The following CCBE1 variants were observed in gnomAD, a reference collection of about 807,000 sequenced individuals.
The protein encoded by CCBE1 is collagen and calcium binding EGF domains 1, also known as collagen and calcium-binding EGF domain-containing protein 1.
Under a neutral mutation model 50.0 loss-of-function variants are expected in CCBE1, and 37 were observed. The observed-to-expected ratio is 0.74, with a 90% confidence interval of 0.57 to 0.97. CCBE1 has a LOEUF of 0.97. CCBE1 is among the 50% of genes least tolerant of loss of function. CCBE1 has a pLI of 0.00. For missense variants in CCBE1, 538 were observed against 523.8 expected (o/e 1.03, Z -0.26); for synonymous variants, 234 against 203.7 (o/e 1.15, Z -1.27).
In CCBE1 at chr18:59,652,481, CT is replaced by C. The variant is rs35752064; in HGVS notation, c.212+44147del. Among the ~76,000 whole-genome samples the C allele has an allele frequency of 5.3e-5, 8 of 150,000 alleles. No individual in the cohort carries two copies. In the East Asian group the frequency reaches 7.8e-4, roughly 15 times the overall value. On this transcript the variant is annotated intron_variant, in intron 2 of 10. Transcript: ENST00000439986. ...AAGGTAACACAAACTGACTCCCCCC[CT>C]TTTTTTTTAATGTAAACTCCATAGC...
At chr18:59,692,955 AGCACACACACACACACACACACACAC>A (rs1376568037) in intron 2 of CCBE1, among the ~76,000 whole-genome samples, 16 of 143,182 alleles carry the variant, frequency 1.1e-4, no homozygotes, top group South Asian at 2.3e-4. Context: ...GTCAAGCCAA[AGCACACACACACACACACACACACAC>A]ACACACACAC....
In CCBE1 at chr18:59,551,369, C is replaced by T. The variant is rs573393111; in HGVS notation, c.213-71131G>A. Among the ~76,000 whole-genome samples the T allele has an allele frequency of 1.0e-3, 156 of 152,294 alleles. 4 individuals are homozygous for T. In the South Asian group the frequency reaches 0.025, roughly 24 times the overall value. Reference sequence around the variant, plus strand: ...TAACCATAAGTACAGCCTGCAGAACCGGAAGAATCTCTGGATGGGTGAGTG... The same window carrying T: ...TAACCATAAGTACAGCCTGCAGAACTGGAAGAATCTCTGGATGGGTGAGTG... On this transcript the variant is annotated intron_variant, in intron 2 of 10. Coordinates refer to ENST00000439986, the MANE Select transcript of CCBE1 (RefSeq NM_133459.4).
At chr18:59,679,543 A>T (rs1293599585) in intron 2 of CCBE1, among the ~76,000 whole-genome samples, 6 of 152,226 alleles carry the variant, frequency 3.9e-5, no homozygotes, top group Non-Finnish European at 7.3e-5. Context: ...TCGTATGAGC[A>T]TATGACTCTC....
intron 2 of CCBE1, among the ~76,000 whole-genome samples, chr18:59,677,641 G>A (rs917615432): frequency 1.3e-5 from 2 of 152,044 alleles, no homozygotes; most frequent in African/African-American, 2.4e-5. Context: ...AGGATACTCA[G>A]GAGGCAGGAG....
At chr18:59,682,724 C>CA (rs1329012028) in intron 2 of CCBE1, among the ~76,000 whole-genome samples, 2 of 152,236 alleles carry the variant, frequency 1.3e-5, no homozygotes, top group East Asian at 3.8e-4. Flanking sequence ...GATATCTTAG[C>CA]ATATGCATAG....
rs1256184625 is a variant in CCBE1, at chr18:59,679,192, A to G, written c.212+17437T>C. The stretch of plus-strand genomic sequence containing the variant: ...AAACAGCGTCACAACTCACCATTCT[A>G]GTGGACAGGACAGTATTTCTATTCT... On this transcript the variant is annotated intron_variant, in intron 2 of 10. Coordinates refer to ENST00000439986, the MANE Select transcript of CCBE1 (RefSeq NM_133459.4). Among the ~76,000 whole-genome samples the G allele has an allele frequency of 3.3e-5, 5 of 152,330 alleles. No homozygotes were observed. In the East Asian group the frequency reaches 7.7e-4, roughly 24 times the overall value.
At chr18:59,607,057 GAA>G (rs59954169) in intron 2 of CCBE1, among the ~76,000 whole-genome samples, 45,811 of 116,972 alleles carry the variant, frequency 0.39, 7,843 homozygotes, top group East Asian at 0.62. Flanking sequence ...GTTGAATTGG[GAA>G]AAAAAAAAAA....
At chr18:59,481,782 A>T (rs1307634938) in intron 2 of CCBE1, among the ~76,000 whole-genome samples, 1 of 152,214 alleles carries the variant, frequency 6.6e-6, no homozygotes, top group East Asian at 1.9e-4. Flanking sequence ...AAAATTCATT[A>T]CCAGCAGACC....
At chr18:59,550,003 C>A (rs554316497) in intron 2 of CCBE1, among the ~76,000 whole-genome samples, 1 of 152,178 alleles carries the variant, frequency 6.6e-6, no homozygotes, top group Non-Finnish European at 1.5e-5. Flanking sequence ...CTGGAGCCAA[C>A]GGGCAAGGAC....
At chr18:59,444,268 T>TG (rs1312439016) in intron 7 of CCBE1, among the ~76,000 whole-genome samples, 2 of 152,116 alleles carry the variant, frequency 1.3e-5, no homozygotes, top group Admixed American at 6.5e-5. Context: ...TTTAATTCTT[T>TG]GGGGTATATT....
At chr18:59,547,568 G>A (rs150893228) in intron 2 of CCBE1, among the ~76,000 whole-genome samples, 14 of 152,288 alleles carry the variant, frequency 9.2e-5, no homozygotes, top group African/African-American at 3.4e-4. Context: ...GGTGACAGAT[G>A]ACCAACATCT....
intron 2 of CCBE1, among the ~76,000 whole-genome samples, chr18:59,680,625 G>A (rs2054576067): frequency 6.6e-6 from 1 of 151,860 alleles, no homozygotes; most frequent in Non-Finnish European, 1.5e-5. Context: ...GTGAACCCGG[G>A]AGGCGGAGGT....
At chr18:59,645,840 G>T (rs183594986) in intron 2 of CCBE1, among the ~76,000 whole-genome samples, 2 of 152,158 alleles carry the variant, frequency 1.3e-5, no homozygotes, top group African/African-American at 4.8e-5. Flanking sequence ...GACCATCCTG[G>T]CTAACACGGT....
intron 3 of CCBE1, 48 bp downstream of exon 3, chr18:59,480,138 T>A (rs941296297): frequency 2.8e-5 from 32 of 1,139,188 alleles, no homozygotes; most frequent in Non-Finnish European, 4.0e-5. Flanking sequence ...AGACTTTGAA[T>A]GATTAGTTGT....
chr18:59,661,500 T>G lies in CCBE1; in HGVS notation c.212+35129A>C, dbSNP rs1332165248. 2.0e-5 allele frequency among the ~76,000 whole-genome samples: 3 copies of G among 152,218 alleles called. No individual in the cohort carries two copies. The East Asian group carries it at 5.8e-4, about 29-fold the overall frequency. ...AAATGGGGTGAGAACAAGTCAATCC[T>G]CATTACTCAGGTAGTTTTATTCTAG... On this transcript the variant is annotated intron_variant, in intron 2 of 10. Coordinates refer to ENST00000439986, the MANE Select transcript of CCBE1 (RefSeq NM_133459.4).
chr18:59,457,788 T>A (rs552259605), intron 5 of CCBE1, among the ~76,000 whole-genome samples: 25 of 152,332 alleles, frequency 1.6e-4, no homozygotes, highest in African/African-American at 5.3e-4. Flanking sequence ...TTTGGGTTTT[T>A]TACCCCTGTT....
intron 2 of CCBE1, among the ~76,000 whole-genome samples, chr18:59,484,253 C>T (rs763727962): frequency 1.4e-4 from 21 of 152,136 alleles, no homozygotes; most frequent in Non-Finnish European, 2.5e-4. Context: ...GAAAAGTGTA[C>T]TAGATGATTT....
At chr18:59,569,961 A>G (rs1253211662) in intron 2 of CCBE1, among the ~76,000 whole-genome samples, 2 of 152,198 alleles carry the variant, frequency 1.3e-5, no homozygotes, top group East Asian at 1.9e-4. Context: ...AAGTATCACT[A>G]CCCAGATAAT....
rs199984929 is a variant in CCBE1, at chr18:59,641,550, AC to A, written c.212+55078del. Among the ~76,000 whole-genome samples, 20 of 116,174 alleles carry A rather than the reference AC, an allele frequency of 1.7e-4. No homozygotes were observed. The East Asian group carries it at 4.1e-3, about 24-fold the overall frequency. 76.2% of individuals were successfully genotyped at this position (116,174 alleles called of 152,430 possible). ...TAATCTGTACACCAAACCCCGTGACACAAGATTTACCTATATAAACAAACCT... is the reference window on the plus strand; with the variant it reads ...TAATCTGTACACCAAACCCCGTGACAAAGATTTACCTATATAAACAAACCT... On this transcript the variant is annotated intron_variant, in intron 2 of 10. Transcript: ENST00000439986.
Sources: allele counts gnomAD v4.1 joint callset (sites outside exome capture counted in the v4.1 genomes callset), GRCh38; gene constraint gnomAD v4.1.1; transcripts MANE v1.5; gene names NCBI Gene and HGNC (gene_info 2026-07-23, HGNC 2026-07-21).